The following KLF12 variants were observed in gnomAD, a reference collection of about 807,000 sequenced individuals.
KLF12 encodes the protein Krueppel-like factor 12.
KLF12 carries 9 observed loss-of-function variants against 37.8 expected under a neutral mutation model. The observed-to-expected ratio is 0.24, with a 90% CI of 0.14 to 0.42. The LOEUF is 0.42. KLF12 is among the 10% of genes least tolerant of loss of function. The probability of loss-of-function intolerance (pLI) is 1.00; values close to 1 mark genes in which losing one functional copy is unlikely to be tolerated. For missense variants in KLF12, 411 were observed against 516.0 expected (o/e 0.80, Z 1.97); for synonymous variants, 208 against 202.1 (o/e 1.03, Z -0.25).
chr13:73,823,075 G>A (rs543985934), intron 4 of KLF12, among the ~76,000 whole-genome samples: 17 of 152,238 alleles, frequency 1.1e-4, no homozygotes, highest in African/African-American at 3.9e-4. Flanking sequence ...GTACAGAGAA[G>A]GTTTTAGGCA....
At chr13:74,073,476 T>G (rs1472638895) in intron 1 of KLF12, among the ~76,000 whole-genome samples, 1 of 152,166 alleles carries the variant, frequency 6.6e-6, no homozygotes, top group Non-Finnish European at 1.5e-5. Flanking sequence ...CAGGCTGTTT[T>G]TAGAGAAAAC....
chr13:74,111,631 A>G (rs1325596218), intron 1 of KLF12, among the ~76,000 whole-genome samples: 2 of 152,180 alleles, frequency 1.3e-5, no homozygotes, highest in Non-Finnish European at 2.9e-5. Context: ...AAGTCCAATT[A>G]ATCATTCACC....
At chr13:74,111,128 G>A (rs1329135370) in intron 1 of KLF12, among the ~76,000 whole-genome samples, 2 of 151,266 alleles carry the variant, frequency 1.3e-5, no homozygotes, top group African/African-American at 4.9e-5. Flanking sequence ...ACTCCAGCCT[G>A]GGCGACAGAG....
the KLF12 span, among the ~76,000 whole-genome samples, chr13:74,214,378 C>T: frequency 6.6e-6 from 1 of 152,126 alleles, no homozygotes; most frequent in African/African-American, 2.4e-5. Flanking sequence ...TTCTGGCTTC[C>T]TTATTTTGAA....
the KLF12 span, among the ~76,000 whole-genome samples, chr13:74,169,458 T>A: frequency 1.3e-5 from 2 of 152,176 alleles, no homozygotes; most frequent in African/African-American, 2.4e-5. Flanking sequence ...TATATCTTAT[T>A]CTATTTGTAA....
the KLF12 span, among the ~76,000 whole-genome samples, chr13:74,185,188 C>A: frequency 1.3e-5 from 2 of 151,968 alleles, no homozygotes; most frequent in Non-Finnish European, 2.9e-5. Flanking sequence ...AGCTATGTTG[C>A]GAAATAAACT....
chr13:74,080,264 C>G (rs1352291234), intron 1 of KLF12, among the ~76,000 whole-genome samples: 1 of 150,288 alleles, frequency 6.7e-6, no homozygotes, highest in East Asian at 1.9e-4. Flanking sequence ...TAGTGGGACT[C>G]CATTTCTACA....
intron 3 of KLF12, among the ~76,000 whole-genome samples, chr13:73,847,073 GATA>G (rs1288208259): frequency 5.9e-5 from 9 of 152,186 alleles, no homozygotes; most frequent in Non-Finnish European, 5.9e-5. Flanking sequence ...AGCAAAATTT[GATA>G]ATAATAGACT....
At chr13:74,071,787 G>A (rs766535283) in intron 1 of KLF12, among the ~76,000 whole-genome samples, 8 of 152,214 alleles carry the variant, frequency 5.3e-5, no homozygotes, top group South Asian at 2.1e-4. Context: ...AGTGAACTAC[G>A]TTAAAGAGGC....
In KLF12 at chr13:74,038,950, T is replaced by C. The variant is rs1405891302; in HGVS notation, c.-31-43897A>G. 2.0e-5 allele frequency among the ~76,000 whole-genome samples: 3 copies of C among 151,760 alleles called. No individual in the cohort carries two copies. The East Asian group carries it at 5.8e-4, about 29-fold the overall frequency. On this transcript the variant is annotated intron_variant, in intron 1 of 7. Transcript: ENST00000377669. ...TATGCTATTAGAATTTGAATATCTA[T>C]AACTAGCAAAAAAAAAATTAACCTC... is the stretch of plus-strand genomic sequence containing the variant.
chr13:73,853,841 T>C (rs1274537040), intron 3 of KLF12, among the ~76,000 whole-genome samples: 6 of 152,112 alleles, frequency 3.9e-5, no homozygotes, highest in African/African-American at 1.4e-4. Flanking sequence ...TACACAAACC[T>C]TTAGCAAATA....
chr13:73,943,447 T>C (rs1890279093), intron 3 of KLF12, among the ~76,000 whole-genome samples: 1 of 152,242 alleles, frequency 6.6e-6, no homozygotes. Context: ...GGTTTGGCTA[T>C]GTACTGTTAA....
intron 6 of KLF12, among the ~76,000 whole-genome samples, chr13:73,753,798 T>C (rs565078820): frequency 1.3e-5 from 2 of 151,980 alleles, no homozygotes; most frequent in Non-Finnish European, 2.9e-5. Flanking sequence ...GACAAGCAAG[T>C]AAAGGCCCAC....
At chr13:73,852,509 C>G (rs536294298) in intron 3 of KLF12, among the ~76,000 whole-genome samples, 1 of 152,252 alleles carries the variant, frequency 6.6e-6, no homozygotes, top group African/African-American at 2.4e-5. Context: ...CGGCCAGGCA[C>G]GGTGACTCAC....
chr13:74,250,148 A>G, the KLF12 span, among the ~76,000 whole-genome samples: 1 of 152,196 alleles, frequency 6.6e-6, no homozygotes, highest in African/African-American at 2.4e-5. Flanking sequence ...ATGGATGGAT[A>G]CGTGGAAGGA....
In KLF12 at chr13:73,688,545, G is replaced by A. The variant is rs1873632518; in HGVS notation, c.*6945C>T. On this transcript the variant is annotated 3_prime_UTR_variant, in exon 8 of 8. Coordinates refer to ENST00000377669, the MANE Select transcript of KLF12 (RefSeq NM_007249.5). Reference sequence around the variant, plus strand: ...TACAAAGAGTTGAGGAACTGAGAAAGTGTACTCAGGCTAAAATGCTACTAA... The same window carrying A: ...TACAAAGAGTTGAGGAACTGAGAAAATGTACTCAGGCTAAAATGCTACTAA... 1 of 152,170 alleles carries A rather than the reference G, an allele frequency of 6.6e-6. No homozygotes were observed. The highest frequency in any genetic ancestry group is 6.5e-5 in the Admixed American group (1 of 15,276). 9.4% of individuals were successfully genotyped at this position (152,170 alleles called of 1,614,324 possible). A position where few individuals can be genotyped will look rare whatever the true frequency, so the allele number is the denominator to read the frequency against.
the KLF12 span, among the ~76,000 whole-genome samples, chr13:74,300,253 A>G: frequency 6.6e-6 from 1 of 152,202 alleles, no homozygotes; most frequent in African/African-American, 2.4e-5. Context: ...ATTTAATCAA[A>G]TAGTCTATTG....
chr13:73,983,718 G>A (rs1891748144), intron 2 of KLF12, among the ~76,000 whole-genome samples: 1 of 152,020 alleles, frequency 6.6e-6, no homozygotes, highest in Non-Finnish European at 1.5e-5. Flanking sequence ...AATCCCTGAG[G>A]CCACAAAGCC....
chr13:73,930,180 T>G (rs1174457778), intron 3 of KLF12, among the ~76,000 whole-genome samples: 1 of 152,202 alleles, frequency 6.6e-6, no homozygotes, highest in Non-Finnish European at 1.5e-5. Flanking sequence ...AGATGATTGG[T>G]TCAAAAATTG....
Sources: allele counts gnomAD v4.1 joint callset (sites outside exome capture counted in the v4.1 genomes callset), GRCh38; gene constraint gnomAD v4.1.1; transcripts MANE v1.5; gene names NCBI Gene and HGNC (gene_info 2026-07-23, HGNC 2026-07-21).